The following ANK1 variants were observed in gnomAD, a reference collection of about 807,000 sequenced individuals.
ANK1 encodes the protein ankyrin-1.
A neutral mutation model predicts 210.4 loss-of-function variants in ANK1; 51 were observed. The ratio of observed to expected loss-of-function variants is 0.24; its 90% CI spans 0.19 to 0.31. The LOEUF (loss-of-function observed/expected upper bound fraction) is 0.31. ANK1 is among the 10% of genes least tolerant of loss of function. The pLI, the probability that ANK1 is intolerant of heterozygous loss-of-function variation, is 1.00. For missense variants in ANK1, 2,051 were observed against 2,504.4 expected (o/e 0.82, Z 3.86); for synonymous variants, 967 against 1,025.9 (o/e 0.94, Z 1.10).
intron 39 of ANK1, 121 bp from the exon 40 acceptor site, chr8:41,663,863 C>A (rs1440283130): frequency 2.4e-6 from 2 of 819,604 alleles, no homozygotes; most frequent in Admixed American, 3.8e-5. Flanking sequence ...ACTCCCCCAG[C>A]AGGAAACCCG....
intron 2 of ANK1, among the ~76,000 whole-genome samples, chr8:41,756,830 A>G (rs932947420): frequency 6.6e-6 from 1 of 152,244 alleles, no homozygotes; most frequent in Non-Finnish European, 1.5e-5. Context: ...TGGAAAACCT[A>G]ACCTACGTTC....
chr8:41,713,199 A>G (rs1826652871), intron 16 of ANK1, among the ~76,000 whole-genome samples: 1 of 152,104 alleles, frequency 6.6e-6, no homozygotes, highest in Non-Finnish European at 1.5e-5. Context: ...CACATGACGG[A>G]TCTCCCATAA....
intron 1 of ANK1, among the ~76,000 whole-genome samples, chr8:41,825,497 G>C: frequency 6.6e-6 from 1 of 152,158 alleles, no homozygotes; most frequent in Non-Finnish European, 1.5e-5. Flanking sequence ...CAGTGTTTCC[G>C]CAAGTCTCTT....
intron 1 of ANK1, among the ~76,000 whole-genome samples, chr8:41,815,495 C>T (rs916412047): frequency 7.2e-5 from 11 of 152,022 alleles, no homozygotes; most frequent in African/African-American, 2.4e-4. Flanking sequence ...CTCTTTCTTC[C>T]CAACTTCATG....
chr8:41,807,037 C>T (rs1240785165), intron 1 of ANK1, among the ~76,000 whole-genome samples: 1 of 152,176 alleles, frequency 6.6e-6, no homozygotes, highest in South Asian at 2.1e-4. Context: ...ATTTATTAAG[C>T]ACTTACTATG....
At chr8:41,823,650 G>A (rs1563849442) in intron 1 of ANK1, among the ~76,000 whole-genome samples, 1 of 151,872 alleles carries the variant, frequency 6.6e-6, no homozygotes, top group Non-Finnish European at 1.5e-5. Flanking sequence ...TGTAGTTCCA[G>A]CTACTCAGGA....
rs373230864 is a variant in ANK1, at chr8:41,714,234, G to A, written c.1722C>T (p.His574=). 2.7e-5 allele frequency: 42 copies of A among 1,549,796 alleles called. No homozygotes were observed. Among genetic ancestry groups the A allele is most frequent in the Non-Finnish European group, 3.3e-5 (38 of 1,140,648 alleles). The change falls in exon 16 of 43, where the codon CAC becomes CAT. Residue 574 remains histidine (H), a synonymous_variant. Coordinates refer to ENST00000289734, the MANE Select transcript of ANK1 (RefSeq NM_000037.4). The stretch of plus-strand genomic sequence containing the variant: ...CCAGGTTGTTGTGATGGACGGCCAC[G>A]TGCAGGGGGGTCAGGCCATTCTGCA... The part of the protein sequence containing the change: ...AAGKNGLTPL[H]VAVHHNNLDI...
In ANK1 at chr8:41,694,205, G is replaced by A. The variant is rs545363021; in HGVS notation, c.3328-103C>T. ...GTGAGAGTGGCCGTCAGTGCACGGGGTCCCGCCCTGCTGTTGGACCACAGA... is the reference window on the plus strand; with the variant it reads ...GTGAGAGTGGCCGTCAGTGCACGGGATCCCGCCCTGCTGTTGGACCACAGA... On this transcript the variant is annotated intron_variant, in intron 28 of 42. Transcript: ENST00000289734. The surrounding 1 kb of genome is among the most constrained non-coding windows in gnomAD (Gnocchi z 5.7). The A allele has an allele frequency of 3.2e-6, 4 of 1,248,600 alleles. No homozygotes were observed. Among genetic ancestry groups the A allele is most frequent in the East Asian group, 5.1e-5 (2 of 39,308 alleles). The allele number at this position is 1,248,600 out of a possible 1,614,324, so 77.3% of individuals were successfully genotyped here. A position where few individuals can be genotyped will look rare whatever the true frequency, so the allele number is the denominator to read the frequency against.
At chr8:41,875,967 C>T (rs1816490745) in intron 1 of ANK1, among the ~76,000 whole-genome samples, 1 of 151,996 alleles carries the variant, frequency 6.6e-6, no homozygotes, top group African/African-American at 2.4e-5. Context: ...CGCACACTCG[C>T]ACACCTGCCC....
At chr8:41,876,468 A>C (rs528838294) in intron 1 of ANK1, among the ~76,000 whole-genome samples, 7 of 152,344 alleles carry the variant, frequency 4.6e-5, no homozygotes, top group Admixed American at 3.3e-4. Flanking sequence ...TCACAGGCAC[A>C]TGGAGAGGTC....
At chr8:41,871,374 C>T (rs1305271227) in intron 1 of ANK1, among the ~76,000 whole-genome samples, 1 of 152,148 alleles carries the variant, frequency 6.6e-6, no homozygotes, top group Non-Finnish European at 1.5e-5. Flanking sequence ...GCAGCATGAT[C>T]ACAGCTCACT....
At chr8:41,767,553 G>T (rs902175439) in intron 1 of ANK1, among the ~76,000 whole-genome samples, 2 of 152,174 alleles carry the variant, frequency 1.3e-5, no homozygotes, top group African/African-American at 4.8e-5. Context: ...CCAGCCTGCC[G>T]CTAATGGGAT....
chr8:41,812,105 A>G (rs1275019594), intron 1 of ANK1, among the ~76,000 whole-genome samples: 1 of 152,222 alleles, frequency 6.6e-6, no homozygotes. Flanking sequence ...TAATTCATCA[A>G]GTAACCCACT....
intron 1 of ANK1, among the ~76,000 whole-genome samples, chr8:41,832,917 AT>A (rs1330981098): frequency 6.6e-6 from 1 of 152,114 alleles, no homozygotes; most frequent in Non-Finnish European, 1.5e-5. Context: ...CACCCAGATA[AT>A]TTGCTTCTTG....
At chr8:41,701,739 G>A in intron 21 of ANK1, 117 bp from the exon 22 acceptor site, 3 of 1,089,890 alleles carry the variant, frequency 2.8e-6, no homozygotes, top group South Asian at 1.3e-5. Context: ...AAAAACAGAC[G>A]GAGGAGGCGC....
At chr8:41,665,222 A>T (rs1228127147) in intron 39 of ANK1, 1 of 1,522,132 alleles carries the variant, frequency 6.6e-7, no homozygotes, top group Non-Finnish European at 8.8e-7. Flanking sequence ...CTCTCGGCTG[A>T]AGCAGCCCGG....
At chr8:41,782,729 A>G (rs944235073) in intron 1 of ANK1, among the ~76,000 whole-genome samples, 1 of 152,216 alleles carries the variant, frequency 6.6e-6, no homozygotes, top group Non-Finnish European at 1.5e-5. Context: ...CATCTTATGC[A>G]TTTGGAGTTA....
chr8:41,673,033 C>T, intron 37 of ANK1, 121 bp from the exon 38 acceptor site: 1 of 1,092,332 alleles, frequency 9.2e-7, no homozygotes. Flanking sequence ...GATGCATGCA[C>T]ATTCGGGGTG....
At position 41,692,755 on chromosome 8, in the gene ANK1, G is replaced by A; in HGVS notation, c.3751C>T (p.Pro1251Ser). Residue 1251 changes from proline to serine, a missense_variant, in exon 31 of 43, where the codon CCC becomes TCC. Physicochemically the swap from Pro to Ser is moderately conservative, Grantham distance 74. Around this residue, in one of 6 missense-constraint regions of ANK1, gnomAD observed 1,413 missense variants for 1,707.4 expected, o/e 0.83. Coordinates refer to ENST00000289734, the MANE Select transcript of ANK1 (RefSeq NM_000037.4). ...TAGCAGCGCAGGCGCCCCTCTCGGG[G>A]GTCATTCATCTTGGCAAAGATGACG... ...KFVIFAKMND[P>S]REGRLRCYCM... The A allele has an allele frequency of 6.2e-7, 1 of 1,614,098 alleles. No individual in the cohort carries two copies. The highest frequency in any genetic ancestry group is 1.1e-5 in the South Asian group (1 of 91,072).
Sources: allele counts gnomAD v4.1 joint callset (sites outside exome capture counted in the v4.1 genomes callset), GRCh38; gene constraint gnomAD v4.1.1; regional missense constraint gnomAD v4.1.1; non-coding constraint Gnocchi (gnomAD v3.1); transcripts MANE v1.5; gene names NCBI Gene and HGNC (gene_info 2026-07-23, HGNC 2026-07-21).